Variants in SCN9A observed in about 807,000 individuals in gnomAD.
SCN9A encodes sodium channel protein type 9 subunit alpha.
In SCN9A, 131 loss-of-function variants were observed where a neutral mutation model predicts 187.0. That is an observed-to-expected ratio of 0.70 (90% confidence interval 0.61 to 0.81). SCN9A has a LOEUF of 0.81. SCN9A is among the 30% of genes least tolerant of loss of function. The pLI is 0.00. For synonymous variants in SCN9A, 809 were observed against 808.6 expected, an observed-to-expected ratio of 1.00 and a Z score of -0.01; for missense variants, 2,252 against 2,396.6, an observed-to-expected ratio of 0.94 and a Z score of 1.26.
chr2:166,235,627 T>A (rs1288664942), intron 20 of SCN9A, among the ~76,000 whole-genome samples: 1 of 152,020 alleles, frequency 6.6e-6, no homozygotes, highest in Non-Finnish European at 1.5e-5. Context: ...TTTTCAGTTT[T>A]GAGACCATCC....
chr2:166,226,275 C>A (rs766335672), intron 24 of SCN9A, among the ~76,000 whole-genome samples: 31 of 151,976 alleles, frequency 2.0e-4, no homozygotes, highest in African/African-American at 7.2e-4. Context: ...ATTATTCAAT[C>A]CTCTATAGGA....
At chr2:166,370,235 A>AATCATCATCATCATCATCATCATC (rs58078583) in intron 1 of SCN9A, among the ~76,000 whole-genome samples, 3 of 137,164 alleles carry the variant, frequency 2.2e-5, no homozygotes, top group African/African-American at 8.3e-5. Context: ...TAATAATAAT[A>AATCATCATCATCATCATCATCATC]ATCATCATCA....
intron 17 of SCN9A, among the ~76,000 whole-genome samples, chr2:166,256,880 G>A (rs7581840): frequency 6.6e-6 from 1 of 151,344 alleles, no homozygotes; most frequent in Non-Finnish European, 1.5e-5. Flanking sequence ...CTTCTACCTA[G>A]GGCACTTTCT....
chr2:166,244,110 G>C (rs1695683370), intron 18 of SCN9A, among the ~76,000 whole-genome samples: 1 of 152,008 alleles, frequency 6.6e-6, no homozygotes, highest in Non-Finnish European at 1.5e-5. Flanking sequence ...TGACTCGGCA[G>C]GTAATGATTT....
intron 19 of SCN9A, among the ~76,000 whole-genome samples, chr2:166,239,425 C>A (rs2106405723): frequency 6.6e-6 from 1 of 152,204 alleles, no homozygotes; most frequent in South Asian, 2.1e-4. Flanking sequence ...CATTCAGATT[C>A]TTCTTATTCT....
At chr2:166,206,432 C>A (rs1281669080) in intron 24 of SCN9A, among the ~76,000 whole-genome samples, 1 of 152,116 alleles carries the variant, frequency 6.6e-6, no homozygotes, top group Non-Finnish European at 1.5e-5. Flanking sequence ...CCAAACTCTG[C>A]ATGTTCTCAC....
chr2:166,373,794 T>C (rs16852048), intron 1 of SCN9A, among the ~76,000 whole-genome samples: 8,502 of 152,236 alleles, frequency 0.056, 780 homozygotes, highest in African/African-American at 0.19. Flanking sequence ...TACAAGATCA[T>C]GACTTGTCTT....
intron 1 of SCN9A, among the ~76,000 whole-genome samples, chr2:166,323,958 T>C (rs556373614): frequency 3.4e-4 from 52 of 151,324 alleles, no homozygotes; most frequent in African/African-American, 1.1e-3. Context: ...GACTATGATA[T>C]GACATTTTCT....
chr2:166,209,097 T>C (rs936488486), intron 24 of SCN9A, among the ~76,000 whole-genome samples: 8 of 152,198 alleles, frequency 5.3e-5, no homozygotes, highest in African/African-American at 1.4e-4. Flanking sequence ...GTAGATTAGC[T>C]GTTTGAGAGA....
chr2:166,327,488 CTTGTT>C (rs1226986437), intron 1 of SCN9A, among the ~76,000 whole-genome samples: 1 of 152,108 alleles, frequency 6.6e-6, no homozygotes, highest in Non-Finnish European at 1.5e-5. Context: ...TTCTACTTAT[CTTGTT>C]TTATCTTACT....
chr2:166,375,723 C>G lies in SCN9A; in HGVS notation c.-77G>C, dbSNP rs200757990. The stretch of plus-strand genomic sequence containing the variant: ...TGCAACCTAGCCCGCCGATCATCCC[C>G]ACCCAGTGCACCTGCAGAATCTGGC... On this transcript the variant is annotated 5_prime_UTR_variant, in exon 1 of 27. Transcript: ENST00000642356. 6.6e-6 allele frequency: 1 copy of G among 152,418 alleles called. No homozygotes were observed. Among genetic ancestry groups the G allele is most frequent in the Non-Finnish European group, 1.5e-5 (1 of 68,172 alleles). The allele number at this position is 152,418 out of a possible 1,614,324, so 9.4% of individuals were successfully genotyped here.
chr2:166,325,131 A>C (rs1699332885), intron 1 of SCN9A, among the ~76,000 whole-genome samples: 1 of 152,152 alleles, frequency 6.6e-6, no homozygotes, highest in Non-Finnish European at 1.5e-5. Context: ...GTTTAAGCAA[A>C]AGGAAATCAC....
In SCN9A at chr2:166,306,504, A is replaced by G. The variant is rs1366570582; in HGVS notation, c.467+6T>C. ...ACTATATTAAAATGTACTTATACCC[A>G]CTTACTCGACATTTTTGGTCCAGTC... is the stretch of plus-strand genomic sequence containing the variant. On this transcript the variant is annotated splice_donor_region_variant and intron_variant, in intron 4 of 26. Transcript: ENST00000642356. 4.1e-6 allele frequency: 6 copies of G among 1,470,204 alleles called. No homozygotes were observed. In the Admixed American group the frequency reaches 1.1e-4, roughly 28 times the overall value. The allele number at this position is 1,470,204 out of a possible 1,614,324, so 91.1% of individuals were successfully genotyped here.
In SCN9A at chr2:166,199,422, G is replaced by A; in HGVS notation, c.5217C>T (p.Tyr1739=). The change falls in exon 27 of 27, where the codon TAC becomes TAT. Residue 1739 remains tyrosine, a synonymous_variant. Coordinates refer to ENST00000642356, the MANE Select transcript of SCN9A (RefSeq NM_001365536.1). Reference sequence around the variant, plus strand: ...AGGATATGATGATATAACTAACAAAGTAGAATATTCCAACAGATGGGTTAC... The same window carrying A: ...AGGATATGATGATATAACTAACAAAATAGAATATTCCAACAGATGGGTTAC... ...DCGNPSVGIF[Y]FVSYIIISFL... 1 of 1,614,140 alleles carries A rather than the reference G, an allele frequency of 6.2e-7. No individual in the cohort carries two copies. Among genetic ancestry groups the A allele is most frequent in the Non-Finnish European group, 8.5e-7 (1 of 1,180,046 alleles).
intron 1 of SCN9A, among the ~76,000 whole-genome samples, chr2:166,337,244 C>T (rs1030126242): frequency 1.3e-5 from 2 of 151,958 alleles, no homozygotes; most frequent in Non-Finnish European, 2.9e-5. Context: ...ACTTGGCCTG[C>T]CAAGTTAATA....
rs895267516 is a variant in SCN9A at position 166,311,822 on chromosome 2, G to T, written c.-50-16C>A. 5 of 1,435,852 alleles carry T rather than the reference G, an allele frequency of 3.5e-6. No homozygotes were observed. The highest frequency in any genetic ancestry group is 4.6e-6 in the Non-Finnish European group (5 of 1,075,960). 88.9% of individuals were successfully genotyped at this position (1,435,852 alleles called of 1,614,324 possible). On this transcript the variant is annotated splice_polypyrimidine_tract_variant and intron_variant, in intron 1 of 26. Transcript: ENST00000642356. ...CATAAGAGGCCTGGATGGAAACAAA[G>T]AAATAAAGACTTAACTATTTGCCTG...
At chr2:166,244,117 AT>A (rs1462188633) in intron 18 of SCN9A, among the ~76,000 whole-genome samples, 1 of 152,044 alleles carries the variant, frequency 6.6e-6, no homozygotes, top group African/African-American at 2.4e-5. Context: ...GCAGGTAATG[AT>A]TTTGAGATGC....
rs1340631707 is a variant in SCN9A, at chr2:166,198,283, A to T, written c.*389T>A. On this transcript the variant is annotated 3_prime_UTR_variant, in exon 27 of 27. Transcript: ENST00000642356. Reference sequence around the variant, plus strand: ...ATACTTTTGTTGATTTCCAAATAATAGATAAATAATAGATTTTTCTGTATG... The same window carrying T: ...ATACTTTTGTTGATTTCCAAATAATTGATAAATAATAGATTTTTCTGTATG... 1 of 164,788 alleles carries T rather than the reference A, an allele frequency of 6.1e-6. No homozygotes were observed. Among genetic ancestry groups the T allele is most frequent in the Non-Finnish European group, 1.3e-5 (1 of 75,568 alleles). 10.2% of individuals were successfully genotyped at this position (164,788 alleles called of 1,614,324 possible). A position where few individuals can be genotyped will look rare whatever the true frequency, so the allele number is the denominator to read the frequency against.
At chr2:166,293,397 G>T in intron 8 of SCN9A, 25 bp from the exon 9 acceptor site, 1 of 1,570,698 alleles carries the variant, frequency 6.4e-7, no homozygotes, top group Admixed American at 1.8e-5. Context: ...GAACATTATA[G>T]GTGAGAGTGT....
Sources: gnomAD v4.1 joint callset for allele counts (sites outside exome capture counted in the v4.1 genomes callset) on GRCh38, gnomAD v4.1.1 for gene constraint, MANE v1.5 for transcripts, NCBI Gene and HGNC (gene_info 2026-07-23, HGNC 2026-07-21) for gene names.